SYNPO2: variants seen among roughly 807,000 people sequenced by gnomAD.
The protein encoded by SYNPO2 is synaptopodin 2.
Under a neutral mutation model 85.0 loss-of-function variants are expected in SYNPO2, and 56 were observed. The observed-to-expected ratio is 0.66, with a 90% CI of 0.53 to 0.82. SYNPO2 has a LOEUF of 0.82. Ranked by LOEUF, SYNPO2 falls within the 40% of genes least tolerant of loss-of-function variation. SYNPO2 has a pLI of 0.00. For synonymous variants in SYNPO2, 602 were observed against 591.1 expected, an observed-to-expected ratio of 1.02 and a Z score of -0.27; for missense variants, 1,575 against 1,534.2, an observed-to-expected ratio of 1.03 and a Z score of -0.44.
intron 1 of SYNPO2, among the ~76,000 whole-genome samples, chr4:118,851,846 A>G (rs1227687826): frequency 2.0e-5 from 3 of 150,150 alleles, no homozygotes; most frequent in African/African-American, 7.5e-5. Flanking sequence ...AAAAAAATCC[A>G]CTCTCATACA....
chr4:118,997,177 T>C (rs1488982395), intron 1 of SYNPO2, among the ~76,000 whole-genome samples: 1 of 139,916 alleles, frequency 7.1e-6, no homozygotes, highest in Non-Finnish European at 1.5e-5. Context: ...GAGGCGGAGC[T>C]TGCAGTGAGC....
chr4:119,038,911 C>T lies in SYNPO2; in HGVS notation c.3252+6884C>T, dbSNP rs200259799. On this transcript the variant is annotated intron_variant, in intron 4 of 4. Transcript: ENST00000307142. ...TTTTTCCAGTGGTTTTTTTTTTTTC[C>T]TTTTATATATCATTGTTATTTTGAA... 2.0e-3 allele frequency among the ~76,000 whole-genome samples: 293 copies of T among 146,412 alleles called. 5 individuals are homozygous for T. In the East Asian group the frequency reaches 0.044, roughly 22 times the overall value.
intron 1 of SYNPO2, among the ~76,000 whole-genome samples, chr4:118,878,676 C>T (rs1560814864): frequency 6.6e-6 from 1 of 152,120 alleles, no homozygotes; most frequent in Non-Finnish European, 1.5e-5. Context: ...AAAAACGCAC[C>T]AATCAGTGCT....
At chr4:119,052,697 A>C (rs1025479649) in intron 4 of SYNPO2, among the ~76,000 whole-genome samples, 2 of 152,186 alleles carry the variant, frequency 1.3e-5, no homozygotes, top group Non-Finnish European at 2.9e-5. Flanking sequence ...GAAGGAGAGG[A>C]GATTTAACTC....
At chr4:118,866,065 A>G (rs941036361) in intron 1 of SYNPO2, among the ~76,000 whole-genome samples, 4 of 152,218 alleles carry the variant, frequency 2.6e-5, no homozygotes, top group African/African-American at 9.7e-5. Flanking sequence ...GGTTTGAGAA[A>G]ACATCTGAGC....
At chr4:119,032,554 A>T in intron 4 of SYNPO2, 1 of 996,818 alleles carries the variant, frequency 1.0e-6, no homozygotes, top group Non-Finnish European at 1.2e-6. Flanking sequence ...TGGTCTGTCA[A>T]TCTCAGCCAC....
At chr4:118,957,498 G>A (rs1734920404) in intron 1 of SYNPO2, among the ~76,000 whole-genome samples, 1 of 151,918 alleles carries the variant, frequency 6.6e-6, no homozygotes, top group African/African-American at 2.4e-5. Flanking sequence ...CAGACTTTTT[G>A]TTTTTTTAAT....
At chr4:118,989,934 T>C (rs1210775102) in intron 1 of SYNPO2, among the ~76,000 whole-genome samples, 2 of 152,248 alleles carry the variant, frequency 1.3e-5, no homozygotes, top group Admixed American at 1.3e-4. Context: ...ATGTACTCTC[T>C]AATTCAGATG....
chr4:118,987,625 C>G (rs1271383046), intron 1 of SYNPO2, among the ~76,000 whole-genome samples: 1 of 150,010 alleles, frequency 6.7e-6, no homozygotes, highest in Non-Finnish European at 1.5e-5. Context: ...GATCATACCT[C>G]TGCACTGCAG....
rs963348678 is a variant in SYNPO2, at chr4:119,059,172, TA to T, written c.*1242del. 10 of 152,240 alleles carry T rather than the reference TA, an allele frequency of 6.6e-5. No individual in the cohort carries two copies. The highest frequency in any genetic ancestry group is 2.4e-4 in the African/African-American group (10 of 41,460). The allele number at this position is 152,240 out of a possible 1,614,324, so 9.4% of individuals were successfully genotyped here. Reference sequence around the variant, plus strand: ...TCACTACATGTATCATTAAAGGTCCTAAAAGGAATTGTTAGGCGGCAGGCTT... The same window carrying T: ...TCACTACATGTATCATTAAAGGTCCTAAAGGAATTGTTAGGCGGCAGGCTT... On this transcript the variant is annotated 3_prime_UTR_variant, in exon 5 of 5. Coordinates refer to ENST00000307142, the MANE Select transcript of SYNPO2 (RefSeq NM_133477.3).
chr4:118,951,079 T>C (rs918505451), intron 1 of SYNPO2, among the ~76,000 whole-genome samples: 1 of 152,238 alleles, frequency 6.6e-6, no homozygotes, highest in South Asian at 2.1e-4. Flanking sequence ...TTGCTATTTA[T>C]ATCTCCTGTC....
chr4:118,975,740 A>T (rs1261521039), intron 1 of SYNPO2, among the ~76,000 whole-genome samples: 4 of 152,212 alleles, frequency 2.6e-5, no homozygotes, highest in Non-Finnish European at 4.4e-5. Flanking sequence ...TCTGGATCAG[A>T]GCCAACCAGC....
intron 1 of SYNPO2, among the ~76,000 whole-genome samples, chr4:118,856,640 A>C (rs2110562737): frequency 6.6e-6 from 1 of 151,888 alleles, no homozygotes; most frequent in South Asian, 2.1e-4. Flanking sequence ...CTGCCTCCTG[A>C]GTAGCTGGGA....
At chr4:119,008,867 A>G (rs1033564751) in intron 1 of SYNPO2, among the ~76,000 whole-genome samples, 1 of 152,178 alleles carries the variant, frequency 6.6e-6, no homozygotes, top group African/African-American at 2.4e-5. Flanking sequence ...ATTATTTACA[A>G]CTAATTTAAT....
intron 1 of SYNPO2, among the ~76,000 whole-genome samples, chr4:118,933,430 A>G (rs909105497): frequency 4.6e-5 from 7 of 152,210 alleles, no homozygotes; most frequent in Non-Finnish European, 8.8e-5. Flanking sequence ...AAACATCAAT[A>G]CCTTCAGCAT....
chr4:118,938,282 T>C (rs1734181905), intron 1 of SYNPO2, among the ~76,000 whole-genome samples: 1 of 152,180 alleles, frequency 6.6e-6, no homozygotes. Flanking sequence ...ATCGCCCCAC[T>C]GTACTCCAGT....
chr4:119,060,283 C>G lies in SYNPO2; in HGVS notation c.*2349C>G, dbSNP rs183907082. On this transcript the variant is annotated 3_prime_UTR_variant, in exon 5 of 5. Coordinates refer to ENST00000307142, the MANE Select transcript of SYNPO2 (RefSeq NM_133477.3). ...CTGTATTAAGCTATCTGAATTTATT[C>G]GAGACATTAAGAAAAAGACAGTACA... The G allele has an allele frequency of 6.6e-6, 1 of 152,024 alleles. No homozygotes were observed. The highest frequency in any genetic ancestry group is 1.5e-5 in the Non-Finnish European group (1 of 68,002). 9.4% of individuals were successfully genotyped at this position (152,024 alleles called of 1,614,324 possible). A position where few individuals can be genotyped will look rare whatever the true frequency, so the allele number is the denominator to read the frequency against.
chr4:118,957,328 AC>A (rs1325257491), intron 1 of SYNPO2, among the ~76,000 whole-genome samples: 2 of 152,170 alleles, frequency 1.3e-5, no homozygotes, highest in Admixed American at 1.3e-4. Flanking sequence ...TTCTGTCAAC[AC>A]ACCCACCCAT....
chr4:119,029,710 T>C, intron 3 of SYNPO2, 135 bp from the exon 4 acceptor site: 2 of 821,138 alleles, frequency 2.4e-6, no homozygotes, highest in Non-Finnish European at 3.6e-6. Flanking sequence ...TGTGTTGGAT[T>C]CCTTCAAAAT....
Sources: allele counts gnomAD v4.1 joint callset (sites outside exome capture counted in the v4.1 genomes callset), GRCh38; gene constraint gnomAD v4.1.1; transcripts MANE v1.5; gene names NCBI Gene and HGNC (gene_info 2026-07-23, HGNC 2026-07-21).